Variants in SLC25A48 observed in about 807,000 individuals in gnomAD.
The protein encoded by SLC25A48 is CTC-321K16.1.
A neutral mutation model predicts 32.2 loss-of-function variants in SLC25A48; 29 were observed. The ratio of observed to expected loss-of-function variants is 0.90; its 90% CI spans 0.67 to 1.23. SLC25A48 has a LOEUF of 1.23. Ranked by LOEUF, SLC25A48 falls within the 50% of genes most tolerant of loss-of-function variation. The pLI is 0.00. For missense variants in SLC25A48, 399 were observed against 422.7 expected (o/e 0.94, Z 0.49); for synonymous variants, 164 against 172.3 (o/e 0.95, Z 0.38).
At chr5:135,746,919 A>G (rs1755654491) in intron 3 of SLC25A48, among the ~76,000 whole-genome samples, 1 of 151,942 alleles carries the variant, frequency 6.6e-6, no homozygotes, top group South Asian at 2.1e-4. Context: ...GTCTTATAGA[A>G]TATCCCATAA....
intron 3 of SLC25A48, among the ~76,000 whole-genome samples, chr5:135,645,636 G>C (rs936331761): frequency 1.3e-5 from 2 of 152,190 alleles, no homozygotes; most frequent in African/African-American, 4.8e-5. Flanking sequence ...CCTGGTCTCT[G>C]CTGCTCATGA....
chr5:135,687,800 C>CTGTTTTTGTCTGT (rs1754049725), intron 3 of SLC25A48, among the ~76,000 whole-genome samples: 1 of 152,114 alleles, frequency 6.6e-6, no homozygotes. Context: ...CATGGCTTTA[C>CTGTTTTTGTCTGT]TTTTGTCTGT....
intron 3 of SLC25A48, among the ~76,000 whole-genome samples, chr5:135,726,678 T>G (rs1037753338): frequency 6.6e-6 from 1 of 152,354 alleles, no homozygotes; most frequent in Non-Finnish European, 1.5e-5. Context: ...TAGCACTCCA[T>G]GGTGTGCGTG....
At chr5:135,744,991 G>C (rs1350335798) in intron 3 of SLC25A48, among the ~76,000 whole-genome samples, 2 of 152,182 alleles carry the variant, frequency 1.3e-5, no homozygotes, top group Admixed American at 6.5e-5. Flanking sequence ...GCAGTGAGCT[G>C]AGATCATACC....
At chr5:135,776,809 C>T (rs1412409960) in intron 3 of SLC25A48, among the ~76,000 whole-genome samples, 2 of 151,570 alleles carry the variant, frequency 1.3e-5, no homozygotes, top group African/African-American at 4.9e-5. Context: ...TCCTAATGTC[C>T]AGGGGAAAGA....
chr5:135,775,879 AG>A (rs1305370270), intron 3 of SLC25A48, among the ~76,000 whole-genome samples: 3 of 151,044 alleles, frequency 2.0e-5, no homozygotes, highest in Non-Finnish European at 4.4e-5. Flanking sequence ...TTAACCGGGG[AG>A]GGGGGAGATG....
intron 2 of SLC25A48, among the ~76,000 whole-genome samples, chr5:135,631,354 A>G (rs1250923823): frequency 1.3e-5 from 2 of 152,196 alleles, no homozygotes; most frequent in Admixed American, 6.5e-5. Flanking sequence ...GTGGGCTCAG[A>G]GTGCGCAGGT....
chr5:135,799,557 T>C (rs759520060), intron 3 of SLC25A48, among the ~76,000 whole-genome samples: 1 of 151,382 alleles, frequency 6.6e-6, no homozygotes, highest in Non-Finnish European at 1.5e-5. Context: ...CCCCCTGTTG[T>C]ATTATTCCTA....
intron 3 of SLC25A48, among the ~76,000 whole-genome samples, chr5:135,714,129 C>A (rs956346914): frequency 6.6e-6 from 1 of 152,188 alleles, no homozygotes; most frequent in Non-Finnish European, 1.5e-5. Flanking sequence ...TCCAGCTATC[C>A]ACCTGGAGCT....
chr5:135,858,934 G>A (rs767328619), intron 4 of SLC25A48, among the ~76,000 whole-genome samples: 11 of 152,140 alleles, frequency 7.2e-5, no homozygotes, highest in Non-Finnish European at 1.3e-4. Context: ...GGTGGCAGCA[G>A]GTGCTAGACA....
At chr5:135,713,770 A>C (rs56168481) in intron 3 of SLC25A48, among the ~76,000 whole-genome samples, 9,041 of 152,020 alleles carry the variant, frequency 0.059, 420 homozygotes, top group African/African-American at 0.13. Flanking sequence ...GTGGAATGAC[A>C]CTCCTACTCT....
intron 4 of SLC25A48, among the ~76,000 whole-genome samples, chr5:135,858,750 G>A (rs1760541381): frequency 6.6e-6 from 1 of 152,218 alleles, no homozygotes; most frequent in South Asian, 2.1e-4. Flanking sequence ...AAATTGTCAT[G>A]CACACAAATA....
intron 3 of SLC25A48, among the ~76,000 whole-genome samples, chr5:135,736,319 C>T (rs530787287): frequency 4.9e-4 from 75 of 152,166 alleles, no homozygotes; most frequent in South Asian, 4.0e-3. Context: ...TTGAAAGTGC[C>T]GTTTTCTGGC....
At chr5:135,862,868 C>T (rs372653353) in intron 4 of SLC25A48, among the ~76,000 whole-genome samples, 3 of 152,070 alleles carry the variant, frequency 2.0e-5, no homozygotes, top group Non-Finnish European at 4.4e-5. Context: ...AGTTGGGAAG[C>T]GCTTGGATTT....
At chr5:135,628,801 C>T (rs1364196503) in intron 1 of SLC25A48, among the ~76,000 whole-genome samples, 3 of 152,144 alleles carry the variant, frequency 2.0e-5, no homozygotes, top group South Asian at 2.1e-4. Flanking sequence ...CTCCCTCCCT[C>T]CTATTTTGGA....
intron 3 of SLC25A48, among the ~76,000 whole-genome samples, chr5:135,791,001 G>C (rs1178852425): frequency 6.8e-6 from 1 of 146,038 alleles, no homozygotes; most frequent in African/African-American, 2.5e-5. Flanking sequence ...TACGGGGGGG[G>C]TGTTACTTCT....
At chr5:135,634,415 A>C (rs2126910449) in intron 2 of SLC25A48, among the ~76,000 whole-genome samples, 1 of 152,202 alleles carries the variant, frequency 6.6e-6, no homozygotes, top group East Asian at 1.9e-4. Context: ...GCCAATCATC[A>C]TGGGGCCATG....
At chr5:135,681,789 T>C (rs886366134) in intron 3 of SLC25A48, among the ~76,000 whole-genome samples, 4 of 152,216 alleles carry the variant, frequency 2.6e-5, no homozygotes, top group Admixed American at 6.5e-5. Context: ...GCCTCTAGTC[T>C]AAGACTAGTT....
chr5:135,687,389 T>C (rs6859519), intron 3 of SLC25A48, among the ~76,000 whole-genome samples: 91,955 of 152,086 alleles, frequency 0.6, 27,909 homozygotes, highest in Non-Finnish European at 0.62. Flanking sequence ...ATGCTCCATT[T>C]ATCTGCCAAG....
Sources: allele counts gnomAD v4.1 joint callset (sites outside exome capture counted in the v4.1 genomes callset), GRCh38; gene constraint gnomAD v4.1.1; transcripts MANE v1.5; gene names NCBI Gene and HGNC (gene_info 2026-07-23, HGNC 2026-07-21).